The following FAM3C variants were observed in gnomAD, a reference collection of about 807,000 sequenced individuals.
FAM3C encodes the protein protein FAM3C.
In FAM3C, 15 loss-of-function variants were observed where a neutral mutation model predicts 32.5. The observed-to-expected ratio is 0.46, with a 90% CI of 0.31 to 0.71. FAM3C has a LOEUF of 0.71. Ranked by LOEUF, FAM3C falls within the 30% of genes least tolerant of loss-of-function variation. The pLI is 0.05. For missense variants in FAM3C, 175 were observed against 274.4 expected (o/e 0.64, Z 2.56); for synonymous variants, 75 against 86.1 (o/e 0.87, Z 0.72).
intron 8 of FAM3C, among the ~76,000 whole-genome samples, chr7:121,358,703 G>A (rs944439213): frequency 4.0e-5 from 6 of 151,852 alleles, no homozygotes; most frequent in African/African-American, 1.2e-4. Flanking sequence ...TGAAATCACT[G>A]GAAGAGAAAA....
chr7:121,382,539 C>A (rs1382827715), intron 2 of FAM3C, among the ~76,000 whole-genome samples: 2 of 142,522 alleles, frequency 1.4e-5, no homozygotes, highest in African/African-American at 2.7e-5. Context: ...GCATTATATA[C>A]AGTCTTTAGG....
rs1411921997 is a variant in FAM3C at position 121,360,116 on chromosome 7, ATG to A, written c.392_393del (p.Pro131LeufsTer3). On this transcript the variant is annotated frameshift_variant, in exon 8 of 10. Transcript: ENST00000359943. LOFTEE classifies it high-confidence loss of function. ...TGTATGGCCTTCAGAAACTCAATAA[ATG>A]GTGCCACATCTGAAGAAAAAGAAAG... ...YFDMWGGDVA[P>X]FIEFLKAIQD... is the part of the protein sequence containing the mutation. The A allele has an allele frequency of 6.3e-7, 1 of 1,584,692 alleles. No individual in the cohort carries two copies. Among genetic ancestry groups the A allele is most frequent in the Admixed American group, 1.7e-5 (1 of 59,942 alleles).
At position 121,371,350 on chromosome 7, in the gene FAM3C, T is replaced by C. The variant is rs1794140782; in HGVS notation, c.222A>G (p.Ala74=). 1.2e-6 allele frequency: 2 copies of C among 1,613,736 alleles called. No homozygotes were observed. The highest frequency in any genetic ancestry group is 2.7e-5 in the African/African-American group (2 of 74,914). Residue 74 remains alanine, a synonymous_variant, in exon 5 of 10, where the codon GCA becomes GCG. Transcript: ENST00000359943. ...CPEKHFAFKM[A]SGAANVVGPK... ...GTCCCACCACGTTGGCTGCTCCACT[T>C]GCCATTTTAAAAGCAAAATGCTTCT...
At chr7:121,358,639 C>T (rs1329582583) in intron 8 of FAM3C, among the ~76,000 whole-genome samples, 3 of 151,912 alleles carry the variant, frequency 2.0e-5, no homozygotes, top group African/African-American at 7.3e-5. Context: ...AGAACATAGG[C>T]ATTGTGTGTC....
intron 5 of FAM3C, among the ~76,000 whole-genome samples, chr7:121,368,829 T>C (rs555986506): frequency 2.2e-4 from 34 of 151,846 alleles, no homozygotes; most frequent in Non-Finnish European, 4.9e-4. Flanking sequence ...AGAATACACA[T>C]CACTGTCTTA....
intron 4 of FAM3C, 81 bp downstream of exon 4, chr7:121,372,029 A>G (rs1253144840): frequency 2.0e-6 from 2 of 1,005,572 alleles, no homozygotes; most frequent in African/African-American, 1.6e-5. Flanking sequence ...CTCATACTGA[A>G]CTACTGACAC....
At chr7:121,360,510 G>C (rs1054138119) in intron 7 of FAM3C, among the ~76,000 whole-genome samples, 1 of 152,168 alleles carries the variant, frequency 6.6e-6, no homozygotes, top group Non-Finnish European at 1.5e-5. Flanking sequence ...AAGGAGGCAT[G>C]GGAGGTGTGT....
intron 8 of FAM3C, among the ~76,000 whole-genome samples, chr7:121,359,748 A>T (rs1399745494): frequency 6.6e-6 from 1 of 152,080 alleles, no homozygotes; most frequent in Non-Finnish European, 1.5e-5. Flanking sequence ...GAACCATAAA[A>T]ATGCTATTGA....
chr7:121,374,039 C>T (rs1794197108), intron 3 of FAM3C, among the ~76,000 whole-genome samples: 1 of 151,390 alleles, frequency 6.6e-6, no homozygotes, highest in African/African-American at 2.4e-5. Flanking sequence ...GTACTTATTG[C>T]AGCAATATAG....
chr7:121,377,682 TAG>T (rs571421286), intron 3 of FAM3C, among the ~76,000 whole-genome samples: 97 of 152,346 alleles, frequency 6.4e-4, no homozygotes, highest in Admixed American at 1.0e-3. Flanking sequence ...AGACCATATA[TAG>T]AGTGGTAGTG....
intron 2 of FAM3C, among the ~76,000 whole-genome samples, chr7:121,379,352 T>C (rs1794305525): frequency 6.6e-6 from 1 of 152,074 alleles, no homozygotes; most frequent in Admixed American, 6.6e-5. Flanking sequence ...AATGGCAGAT[T>C]CCTTATCCTT....
At chr7:121,386,632 A>C (rs1322068320) in intron 1 of FAM3C, among the ~76,000 whole-genome samples, 1 of 151,786 alleles carries the variant, frequency 6.6e-6, no homozygotes, top group Non-Finnish European at 1.5e-5. Flanking sequence ...CACATGTATT[A>C]TAAGGAATAT....
At chr7:121,381,679 C>CACACACACAA in intron 2 of FAM3C, among the ~76,000 whole-genome samples, 1 of 151,976 alleles carries the variant, frequency 6.6e-6, no homozygotes. Context: ...CACACACACA[C>CACACACACAA]ACACACACAC....
chr7:121,373,991 G>A (rs1313664933), intron 3 of FAM3C, among the ~76,000 whole-genome samples: 4 of 135,720 alleles, frequency 2.9e-5, no homozygotes, highest in Admixed American at 7.4e-5. Context: ...GCAAGACTCC[G>A]TCTCAAAAAA....
chr7:121,390,128 A>C (rs1012233213), intron 1 of FAM3C, among the ~76,000 whole-genome samples: 1 of 152,222 alleles, frequency 6.6e-6, no homozygotes, highest in Non-Finnish European at 1.5e-5. Flanking sequence ...CATATCTGCT[A>C]TGCTTCATAA....
intron 1 of FAM3C, among the ~76,000 whole-genome samples, chr7:121,387,256 C>T (rs1360918734): frequency 6.6e-6 from 1 of 151,836 alleles, no homozygotes; most frequent in Non-Finnish European, 1.5e-5. Flanking sequence ...GTGGGCCATA[C>T]AGGCCTAGGG....
intron 2 of FAM3C, among the ~76,000 whole-genome samples, chr7:121,380,983 G>A (rs1794339582): frequency 6.6e-6 from 1 of 152,074 alleles, no homozygotes; most frequent in African/African-American, 2.4e-5. Context: ...GAACTAGGAG[G>A]AAAGAAAAGC....
At chr7:121,372,055 T>C in intron 4 of FAM3C, 55 bp downstream of exon 4, 1 of 1,324,510 alleles carries the variant, frequency 7.5e-7, no homozygotes. Context: ...ATATAAGCTC[T>C]CATATGCCTA....
At chr7:121,379,998 C>T (rs918901772) in intron 2 of FAM3C, among the ~76,000 whole-genome samples, 1 of 152,222 alleles carries the variant, frequency 6.6e-6, no homozygotes, top group Non-Finnish European at 1.5e-5. Context: ...GAGCAACTTA[C>T]AAGTTGCCTA....
Sources: gnomAD v4.1 joint callset for allele counts (sites outside exome capture counted in the v4.1 genomes callset) on GRCh38, gnomAD v4.1.1 for gene constraint, MANE v1.5 for transcripts, NCBI Gene and HGNC (gene_info 2026-07-23, HGNC 2026-07-21) for gene names.